The following TEX11 variants were observed in gnomAD, a reference collection of about 807,000 sequenced individuals.
TEX11 encodes the protein testis-expressed protein 11.
Under a neutral mutation model 84.4 loss-of-function variants are expected in TEX11, and 7 were observed. The observed-to-expected ratio is 0.08, with a 90% CI of 0.05 to 0.16. The LOEUF is 0.16. Ranked by LOEUF, TEX11 falls within the 10% of genes least tolerant of loss-of-function variation. The probability of loss-of-function intolerance (pLI) is 1.00; values close to 1 mark genes in which losing one functional copy is unlikely to be tolerated. For missense variants in TEX11, 551 were observed against 660.5 expected, an observed-to-expected ratio of 0.83 and a Z score of 1.82; for synonymous variants, 264 against 222.8, an observed-to-expected ratio of 1.18 and a Z score of -1.64.
chrX:70,571,632 A>G (rs1490306243), intron 25 of TEX11, among the ~76,000 whole-genome samples: 1 of 111,799 alleles, frequency 8.9e-6, no homozygotes, highest in East Asian at 2.8e-4. Context: ...TAGATTTCCA[A>G]CAGTGGGGGT....
At chrX:70,834,574 G>A (rs1265754815) in intron 7 of TEX11, among the ~76,000 whole-genome samples, 1 of 110,445 alleles carries the variant, frequency 9.1e-6, no homozygotes, top group East Asian at 2.8e-4. Flanking sequence ...TGACCAACAT[G>A]GTGAAATCCC....
intron 25 of TEX11, among the ~76,000 whole-genome samples, chrX:70,566,438 T>G (rs1452689079): frequency 9.1e-6 from 1 of 109,587 alleles, no homozygotes; most frequent in Non-Finnish European, 1.9e-5. Context: ...CTTCCAACAC[T>G]ATGTTGAATA....
intron 8 of TEX11, among the ~76,000 whole-genome samples, chrX:70,833,058 C>T (rs1022350526): frequency 5.4e-5 from 6 of 110,450 alleles, no homozygotes; most frequent in African/African-American, 1.6e-4. Context: ...TCACTTGAGG[C>T]CAGGAGCTCC....
intron 8 of TEX11, among the ~76,000 whole-genome samples, chrX:70,816,388 A>C (rs1265505384): frequency 9.0e-6 from 1 of 111,540 alleles, no homozygotes; most frequent in Non-Finnish European, 1.9e-5. Context: ...GATTCTGAGG[A>C]CTGAGTGGTC....
intron 11 of TEX11, among the ~76,000 whole-genome samples, chrX:70,727,134 C>G (rs1193172457): frequency 9.0e-6 from 1 of 111,077 alleles, no homozygotes; most frequent in Non-Finnish European, 1.9e-5. Flanking sequence ...AGTAACTTAC[C>G]CATGGTCACA....
chrX:70,881,506 T>C (rs2091683256), intron 2 of TEX11, among the ~76,000 whole-genome samples: 1 of 111,054 alleles, frequency 9.0e-6, no homozygotes. Flanking sequence ...TTAATATTCA[T>C]AACAGTACTA....
intron 3 of TEX11, among the ~76,000 whole-genome samples, chrX:70,873,623 C>A (rs2091640517): frequency 8.9e-6 from 1 of 112,121 alleles, no homozygotes; most frequent in Admixed American, 9.5e-5. Context: ...ATAAATGAAG[C>A]TTTCAGCAAC....
At chrX:70,740,623 G>T in intron 11 of TEX11, 78 bp downstream of exon 11, 1 of 671,218 alleles carries the variant, frequency 1.5e-6, no homozygotes, top group Non-Finnish European at 2.2e-6. Flanking sequence ...TGAAGCAAAT[G>T]TCTAAACTGG....
Position 70,806,450 on chromosome X carries a change from GA to G in TEX11, c.692+254del, listed in dbSNP as rs1247751516. Among the ~76,000 whole-genome samples, 102 of 82,969 alleles carry G rather than the reference GA, an allele frequency of 1.2e-3. 3 individuals are homozygous for G. The highest frequency in any genetic ancestry group is 3.2e-3 in the African/African-American group (71 of 22,374). 72.0% of individuals were successfully genotyped at this position (82,969 alleles called of 115,157 possible). A position where few individuals can be genotyped will look rare whatever the true frequency, so the allele number is the denominator to read the frequency against. On this transcript the variant is annotated intron_variant, in intron 9 of 29. Coordinates refer to ENST00000374333, the MANE Select transcript of TEX11 (RefSeq NM_031276.3). ...CAGCCTAGGTGACAGAGAGAGATAC[GA>G]AAAAAAAAAGAAGAAAAAAAGAAAG...
intron 2 of TEX11, among the ~76,000 whole-genome samples, chrX:70,904,206 T>C (rs2091817981): frequency 9.0e-6 from 1 of 110,790 alleles, no homozygotes; most frequent in South Asian, 3.8e-4. Context: ...ACTATAGCCA[T>C]TGCTAAAAGC....
intron 24 of TEX11, among the ~76,000 whole-genome samples, chrX:70,600,502 T>C (rs867888984): frequency 3.6e-5 from 4 of 110,149 alleles, no homozygotes; most frequent in South Asian, 3.9e-4. Flanking sequence ...GAACTCAGCT[T>C]TGCACCAAGA....
chrX:70,640,140 G>A (rs1287425165), intron 17 of TEX11, among the ~76,000 whole-genome samples: 7 of 109,713 alleles, frequency 6.4e-5, no homozygotes, highest in East Asian at 2.9e-4. Context: ...CTCAGGAGCC[G>A]ATGCGATCAA....
At chrX:70,746,522 C>T (rs1283877762) in intron 9 of TEX11, among the ~76,000 whole-genome samples, 1 of 111,764 alleles carries the variant, frequency 8.9e-6, no homozygotes. Flanking sequence ...GGTAGGGGTG[C>T]CATTTCAAGA....
chrX:70,749,835 C>T (rs370016195), intron 9 of TEX11, among the ~76,000 whole-genome samples: 7 of 109,771 alleles, frequency 6.4e-5, no homozygotes, highest in African/African-American at 1.0e-4. Flanking sequence ...AGTATTTTAT[C>T]GAGGATTTTT....
intron 13 of TEX11, among the ~76,000 whole-genome samples, chrX:70,718,752 A>G (rs2090529747): frequency 9.0e-6 from 1 of 111,649 alleles, no homozygotes; most frequent in African/African-American, 3.3e-5. Flanking sequence ...ACCACACCCA[A>G]GGTCATTCTC....
At chrX:70,867,863 A>T (rs992846259) in intron 4 of TEX11, among the ~76,000 whole-genome samples, 1 of 112,019 alleles carries the variant, frequency 8.9e-6, no homozygotes, top group African/African-American at 3.2e-5. Flanking sequence ...TACACCTTAT[A>T]AAAAAATTAA....
intron 28 of TEX11, among the ~76,000 whole-genome samples, chrX:70,537,952 G>C (rs752428188): frequency 2.4e-4 from 27 of 111,655 alleles, no homozygotes; most frequent in Admixed American, 2.2e-3. Context: ...GTGAAGAGAA[G>C]CCGTAGGAAG....
chrX:70,711,770 C>T (rs1453525755), intron 13 of TEX11, among the ~76,000 whole-genome samples: 2 of 111,426 alleles, frequency 1.8e-5, no homozygotes, highest in African/African-American at 6.5e-5. Context: ...GTTTCTTTTG[C>T]TGTGCAGAAG....
chrX:70,833,442 G>T, intron 8 of TEX11, 71 bp downstream of exon 8: 1 of 852,683 alleles, frequency 1.2e-6, no homozygotes, highest in Non-Finnish European at 1.7e-6. Context: ...GTTGCATGAA[G>T]TAGTAATGAT....
Sources: gnomAD v4.1 joint callset for allele counts (sites outside exome capture counted in the v4.1 genomes callset) on GRCh38, gnomAD v4.1.1 for gene constraint, MANE v1.5 for transcripts, NCBI Gene and HGNC (gene_info 2026-07-23, HGNC 2026-07-21) for gene names.